Variants in JAKMIP3 observed in about 807,000 individuals in gnomAD.
The protein encoded by JAKMIP3 is Janus kinase and microtubule interacting protein 3, also known as janus kinase and microtubule-interacting protein 3.
A neutral mutation model predicts 118.5 loss-of-function variants in JAKMIP3; 58 were observed. The observed-to-expected ratio is 0.49, with a 90% CI of 0.40 to 0.61. JAKMIP3 has a LOEUF of 0.61. JAKMIP3 is among the 20% of genes least tolerant of loss of function. The pLI is 0.00. For missense variants in JAKMIP3, 950 were observed against 1,109.0 expected (o/e 0.86, Z 2.04); for synonymous variants, 486 against 451.2 (o/e 1.08, Z -0.98).
chr10:132,135,663 G>A (rs956139305), intron 5 of JAKMIP3, among the ~76,000 whole-genome samples: 5 of 152,144 alleles, frequency 3.3e-5, no homozygotes, highest in Non-Finnish European at 4.4e-5. Flanking sequence ...CGGGGACGCC[G>A]AGCCCAGCCC....
chr10:132,112,749 C>T lies in JAKMIP3; in HGVS notation c.136-4328C>T, dbSNP rs1189481686. On this transcript the variant is annotated intron_variant, in intron 2 of 23. Transcript: ENST00000684848. The surrounding 1 kb of genome is among the most constrained non-coding windows in gnomAD (Gnocchi z 4.3). ...TCTCCTTGTCCACAGCCACGTGTCT[C>T]CTTGGACAGGGCAGCTCTCCACCTC... Among the ~76,000 whole-genome samples the T allele has an allele frequency of 3.3e-5, 5 of 152,136 alleles. No homozygotes were observed. Among genetic ancestry groups the T allele is most frequent in the South Asian group, 2.1e-4 (1 of 4,834 alleles).
chr10:132,148,345 C>T (rs997021439), intron 14 of JAKMIP3, among the ~76,000 whole-genome samples: 5 of 152,158 alleles, frequency 3.3e-5, no homozygotes, highest in Admixed American at 6.5e-5. Context: ...GGAAATGGCC[C>T]GTGGCGCTCA....
rs757046404 is a variant in JAKMIP3 at position 132,168,153 on chromosome 10, G to A, written c.*223G>A. On this transcript the variant is annotated 3_prime_UTR_variant, in exon 23 of 24. Transcript: ENST00000684848. ...TGCCAGAACTAGAACTGGCTCTGCCGACTTCTCGGGGGCTTCTCCGGGACG... is the reference window on the plus strand; with the variant it reads ...TGCCAGAACTAGAACTGGCTCTGCCAACTTCTCGGGGGCTTCTCCGGGACG... The A allele has an allele frequency of 9.3e-6, 12 of 1,285,654 alleles. No homozygotes were observed. The highest frequency in any genetic ancestry group is 5.0e-5 in the South Asian group (4 of 80,756). 79.6% of individuals were successfully genotyped at this position (1,285,654 alleles called of 1,614,324 possible). A position where few individuals can be genotyped will look rare whatever the true frequency, so the allele number is the denominator to read the frequency against.
At chr10:132,138,214 G>T in intron 9 of JAKMIP3, 36 bp downstream of exon 9, 1 of 1,568,566 alleles carries the variant, frequency 6.4e-7, no homozygotes, top group South Asian at 1.1e-5. Context: ...CGGAGAGTAC[G>T]CCGGGTGTGT....
intron 21 of JAKMIP3, 105 bp from the exon 22 acceptor site, chr10:132,166,878 C>A: frequency 1.2e-6 from 1 of 802,302 alleles, no homozygotes; most frequent in Non-Finnish European, 2.1e-6. Context: ...CTGCCAACAG[C>A]TCTGTCTTCA....
chr10:132,108,234 G>T (rs2046226362), intron 2 of JAKMIP3, among the ~76,000 whole-genome samples: 1 of 152,190 alleles, frequency 6.6e-6, no homozygotes, highest in African/African-American at 2.4e-5. Flanking sequence ...TGCTGGAGCA[G>T]AAGCTGCTGA....
rs144905928 is a variant in JAKMIP3, at chr10:132,116,283, G to C, written c.136-794G>C. Among the ~76,000 whole-genome samples the C allele has an allele frequency of 1.5e-3, 222 of 152,354 alleles. 3 individuals carry two copies. The East Asian group carries it at 0.037, about 25-fold the overall frequency. The stretch of plus-strand genomic sequence containing the variant: ...ACAGTACCTGCTCCTCAGGTGTTCA[G>C]TGATTTTCAAAAAAATCTTCCCCAA... On this transcript the variant is annotated intron_variant, in intron 2 of 23. Transcript: ENST00000684848.
chr10:132,145,619 T>G, intron 13 of JAKMIP3, 39 bp downstream of exon 13: 1 of 1,519,912 alleles, frequency 6.6e-7, no homozygotes, highest in Non-Finnish European at 8.9e-7. Flanking sequence ...CAGGACTCGC[T>G]CTATGCTCCT....
intron 1 of JAKMIP3, among the ~76,000 whole-genome samples, chr10:132,056,891 C>T (rs892776794): frequency 3.9e-5 from 6 of 152,246 alleles, no homozygotes; most frequent in Admixed American, 3.3e-4. Context: ...CAGCTCCCAC[C>T]CAGTGGTCCA....
intron 22 of JAKMIP3, 56 bp downstream of exon 22, chr10:132,167,111 T>C (rs1458537664): frequency 8.1e-7 from 1 of 1,231,792 alleles, no homozygotes; most frequent in Non-Finnish European, 1.2e-6. Flanking sequence ...CCCGGAAGAC[T>C]CCTCTGCCCC....
chr10:132,081,052 A>T (rs2134202116), intron 1 of JAKMIP3, among the ~76,000 whole-genome samples: 1 of 152,008 alleles, frequency 6.6e-6, no homozygotes, highest in East Asian at 1.9e-4. Flanking sequence ...TTTTGCCTTA[A>T]TTTTTTTTCT....
rs79412373 is a variant in JAKMIP3 at position 132,153,846 on chromosome 10, G to A, written c.2142+19G>A. On this transcript the variant is annotated intron_variant, in intron 18 of 23. Coordinates refer to ENST00000684848, the MANE Select transcript of JAKMIP3 (RefSeq NM_001323087.2). ...CGAGAAGGTTGGTGGCACCTTCACC[G>A]AGGTTCTGCGGCTCGGTGCTGCAGG... is the stretch of plus-strand genomic sequence containing the variant. 2,720 of 1,613,048 alleles carry A rather than the reference G, an allele frequency of 1.7e-3. 19 individuals carry two copies. The East Asian group carries it at 0.021, about 12-fold the overall frequency.
chr10:132,095,494 G>T (rs372287743), intron 1 of JAKMIP3, among the ~76,000 whole-genome samples: 1 of 152,144 alleles, frequency 6.6e-6, no homozygotes, highest in African/African-American at 2.4e-5. Flanking sequence ...CTGCAGTGGG[G>T]GTGTGTGTTT....
At chr10:132,159,760 G>A (rs1208191261) in intron 19 of JAKMIP3, among the ~76,000 whole-genome samples, 1 of 38,058 alleles carries the variant, frequency 2.6e-5, no homozygotes, top group African/African-American at 1.4e-4. Context: ...GCCTCTTCCT[G>A]TGTGATACTG....
At chr10:132,041,559 A>G (rs960942039) in intron 1 of JAKMIP3, among the ~76,000 whole-genome samples, 1 of 152,190 alleles carries the variant, frequency 6.6e-6, no homozygotes, top group African/African-American at 2.4e-5. Context: ...TGTTGGGAGT[A>G]TGGGAGACTT....
At chr10:132,063,100 G>T (rs2038457225), upstream of JAKMIP3, among the ~76,000 whole-genome samples, 1 of 151,422 alleles carries the variant, frequency 6.6e-6, no homozygotes, top group Admixed American at 6.6e-5. Context: ...CCCTGGATTT[G>T]GGTGTGATCA....
rs913772184 is a variant in JAKMIP3 at position 132,047,056 on chromosome 10, A to AT, written c.-138+10325dup. On this transcript the variant is annotated intron_variant, in intron 1 of 23. Transcript: ENST00000657785. ...CCACCACACCCAGCTATTTAAAAAC[A>AT]TTTTTTTGTGTGTGGAGACAGGTTC... Among the ~76,000 whole-genome samples, 7 of 152,134 alleles carry AT rather than the reference A, an allele frequency of 4.6e-5. No individual in the cohort carries two copies. In the South Asian group the frequency reaches 6.2e-4, roughly 14 times the overall value.
Position 132,053,270 on chromosome 10 carries a change from T to G in JAKMIP3, c.-138+16532T>G, listed in dbSNP as rs75293993. Among the ~76,000 whole-genome samples, 1,112 of 152,318 alleles carry G rather than the reference T, an allele frequency of 7.3e-3. 12 individuals carry two copies. The highest frequency in any genetic ancestry group is 0.028 in the South Asian group (136 of 4,826). Reference sequence around the variant, plus strand: ...TTCTCCTTCCTTTTCCTTTTCTTCTTCTGCTGCCTACCAAGGCAGGCTTCT... The same window carrying G: ...TTCTCCTTCCTTTTCCTTTTCTTCTGCTGCTGCCTACCAAGGCAGGCTTCT... On this transcript the variant is annotated intron_variant, in intron 1 of 23. Coordinates refer to the JAKMIP3 transcript ENST00000657785.
rs891008895 is a variant in JAKMIP3 at position 132,147,353 on chromosome 10, C to T, written c.1750-599C>T. On this transcript the variant is annotated intron_variant, in intron 13 of 23. Coordinates refer to ENST00000684848, the MANE Select transcript of JAKMIP3 (RefSeq NM_001323087.2). ...TCATGAGGCTGCTGAGGACACATGC[C>T]GTGGGCCGTGTCACTTGACCCTTTG... 4.6e-5 allele frequency among the ~76,000 whole-genome samples: 7 copies of T among 152,330 alleles called. No homozygotes were observed. In the South Asian group the frequency reaches 6.2e-4, roughly 14 times the overall value.
Sources: gnomAD v4.1 joint callset for allele counts (sites outside exome capture counted in the v4.1 genomes callset) on GRCh38, gnomAD v4.1.1 for gene constraint, Gnocchi (gnomAD v3.1) non-coding constraint, MANE v1.5 for transcripts, NCBI Gene and HGNC (gene_info 2026-07-23, HGNC 2026-07-21) for gene names.